The following TBC1D22A variants were observed in gnomAD, a reference collection of about 807,000 sequenced individuals.
The protein encoded by TBC1D22A is TBC1 domain family member 22A.
In TBC1D22A, 38 loss-of-function variants were observed where a neutral mutation model predicts 60.2. The ratio of observed to expected loss-of-function variants is 0.63; its 90% CI spans 0.49 to 0.83. TBC1D22A has a LOEUF of 0.83. Among genes scored for constraint, TBC1D22A ranks in the 40% least tolerant of loss-of-function variants. TBC1D22A has a pLI of 0.00. For missense variants in TBC1D22A, 628 were observed against 701.0 expected (o/e 0.90, Z 1.18); for synonymous variants, 302 against 281.7 (o/e 1.07, Z -0.72).
chr22:46,904,101 A>ATCTATCTATCTGTCTGTCTGTCTGTCTG (rs2069217376), intron 7 of TBC1D22A, among the ~76,000 whole-genome samples: 6 of 33,074 alleles, frequency 1.8e-4, no homozygotes, highest in African/African-American at 5.8e-4. Flanking sequence ...AATAAAATCT[A>ATCTATCTATCTGTCTGTCTGTCTGTCTG]TCTATCTATC....
intron 4 of TBC1D22A, among the ~76,000 whole-genome samples, chr22:46,830,068 G>A (rs1569101498): frequency 1.3e-5 from 2 of 152,230 alleles, no homozygotes; most frequent in African/African-American, 2.4e-5. Context: ...GGTGGGGAAA[G>A]GATCTGAAGT....
chr22:47,115,174 G>A (rs1003525460), intron 12 of TBC1D22A, among the ~76,000 whole-genome samples: 1 of 130,492 alleles, frequency 7.7e-6, no homozygotes, highest in Non-Finnish European at 1.6e-5. Context: ...TGGGCCCCAG[G>A]AGGTGTGTGC....
chr22:46,794,838 T>C (rs801597), intron 3 of TBC1D22A, among the ~76,000 whole-genome samples: 16 of 151,992 alleles, frequency 1.1e-4, no homozygotes, highest in Non-Finnish European at 1.2e-4. Context: ...AGGGGCGAAG[T>C]CCAGCTGGAT....
rs539386767 is a variant in TBC1D22A, at chr22:46,959,184, A to G, written c.1016-15106A>G. On this transcript the variant is annotated intron_variant, in intron 8 of 12. Coordinates refer to ENST00000337137, the MANE Select transcript of TBC1D22A (RefSeq NM_014346.5). ...CTGTGTTTTCCGTTCTACCCAACAA[A>G]AAACTAAAACCAAAGCAACCCCTAA... Among the ~76,000 whole-genome samples the G allele has an allele frequency of 9.2e-5, 14 of 152,318 alleles. No homozygotes were observed. The South Asian group carries it at 2.9e-3, about 32-fold the overall frequency.
intron 12 of TBC1D22A, among the ~76,000 whole-genome samples, chr22:47,130,576 C>G (rs539455764): frequency 6.6e-6 from 1 of 152,332 alleles, no homozygotes; most frequent in East Asian, 1.9e-4. Context: ...AGCATTGCTT[C>G]TGAGAGATTC....
At chr22:46,975,014 G>A (rs1400118099) in intron 9 of TBC1D22A, among the ~76,000 whole-genome samples, 1 of 152,238 alleles carries the variant, frequency 6.6e-6, no homozygotes, top group African/African-American at 2.4e-5. Context: ...GCATGGTGTA[G>A]GGGCAGATTC....
At chr22:47,007,783 G>T (rs1157782703) in intron 10 of TBC1D22A, among the ~76,000 whole-genome samples, 1 of 152,074 alleles carries the variant, frequency 6.6e-6, no homozygotes, top group African/African-American at 2.4e-5. Flanking sequence ...GTGGGATCAG[G>T]GTCCCACCCT....
At position 47,143,861 on chromosome 22, in the gene TBC1D22A, G is replaced by A. The variant is rs114141217; in HGVS notation, c.1426-29637G>A. 4.2e-3 allele frequency among the ~76,000 whole-genome samples: 637 copies of A among 152,318 alleles called. 5 individuals are homozygous for A. Among genetic ancestry groups the A allele is most frequent in the African/African-American group, 0.012 (497 of 41,560 alleles). ...TGAAGGTTGACAACTACAGCCCTCC[G>A]CTTCTCCTGCAGAGATAGAAACACC... On this transcript the variant is annotated intron_variant, in intron 12 of 12. Transcript: ENST00000337137.
At chr22:46,892,488 T>A (rs1447258263) in intron 6 of TBC1D22A, among the ~76,000 whole-genome samples, 2 of 149,598 alleles carry the variant, frequency 1.3e-5, no homozygotes, top group Non-Finnish European at 2.9e-5. Flanking sequence ...GAGCTGCCCC[T>A]GGCCCGTGTT....
intron 8 of TBC1D22A, among the ~76,000 whole-genome samples, chr22:46,967,776 G>A (rs962482268): frequency 1.3e-5 from 2 of 151,900 alleles, no homozygotes; most frequent in Admixed American, 1.3e-4. Flanking sequence ...GAACCCCCTG[G>A]TAATTACAAG....
intron 4 of TBC1D22A, among the ~76,000 whole-genome samples, chr22:46,806,843 T>C (rs2085163449): frequency 6.6e-6 from 1 of 152,188 alleles, no homozygotes; most frequent in Non-Finnish European, 1.5e-5. Context: ...AGAATAGTGC[T>C]GATCTTCGGC....
chr22:46,972,893 G>T lies in TBC1D22A; in HGVS notation c.1016-1397G>T, dbSNP rs1310298071. ...GTGATGTGCGAACTGGCTGGAATCC[G>T]CCCACCCTCCCACGTTCCCGCAGGT... On this transcript the variant is annotated intron_variant, in intron 8 of 12. Transcript: ENST00000337137. Among the ~76,000 whole-genome samples, 5 of 152,238 alleles carry T rather than the reference G, an allele frequency of 3.3e-5. No individual in the cohort carries two copies. The East Asian group carries it at 9.7e-4, about 29-fold the overall frequency.
chr22:46,774,294 A>G (rs2083608977), intron 1 of TBC1D22A: 3 of 982,436 alleles, frequency 3.1e-6, no homozygotes, highest in Non-Finnish European at 3.6e-6. Context: ...AGGCAGAGGT[A>G]TCAGGAGGCC....
At chr22:46,774,604 C>G (rs960766711) in intron 1 of TBC1D22A, among the ~76,000 whole-genome samples, 1 of 152,190 alleles carries the variant, frequency 6.6e-6, no homozygotes, top group South Asian at 2.1e-4. Flanking sequence ...TGCTGGGCGC[C>G]CTCTCCTCCC....
intron 8 of TBC1D22A, among the ~76,000 whole-genome samples, chr22:46,968,612 G>A (rs531189200): frequency 2.6e-5 from 4 of 150,992 alleles, no homozygotes; most frequent in Admixed American, 1.3e-4. Flanking sequence ...TCCTCACTGC[G>A]TGGCCGGCGG....
chr22:46,950,421 CG>C, intron 8 of TBC1D22A, among the ~76,000 whole-genome samples: 1 of 152,156 alleles, frequency 6.6e-6, no homozygotes, highest in East Asian at 1.9e-4. Flanking sequence ...CAAAACCCCA[CG>C]GGTCTTTACG....
Position 46,894,838 on chromosome 22 carries a change from G to T in TBC1D22A, c.892G>T (p.Val298Leu). 1.9e-6 allele frequency: 3 copies of T among 1,614,216 alleles called. No individual in the cohort carries two copies. Among genetic ancestry groups the T allele is most frequent in the South Asian group, 1.1e-5 (1 of 91,090 alleles). The stretch of plus-strand genomic sequence containing the variant: ...TGAAGCGTTGATCCTGCAGCCCAAG[G>T]TGACGGAGGTAAGAAGCTCTTGCCG... ...SPEALILQPK[V>L]TEIFERILFI... The change falls in exon 7 of 13, where the codon GTG becomes TTG. Residue 298 changes from valine (V) to leucine (L), a missense_variant. Coordinates refer to ENST00000337137, the MANE Select transcript of TBC1D22A (RefSeq NM_014346.5).
At chr22:46,830,176 G>A (rs2086250059) in intron 4 of TBC1D22A, among the ~76,000 whole-genome samples, 1 of 152,380 alleles carries the variant, frequency 6.6e-6, no homozygotes, top group East Asian at 1.9e-4. Flanking sequence ...CCCAAGGCGG[G>A]AATGCATGGG....
At chr22:47,014,877 A>T (rs1482929816) in intron 10 of TBC1D22A, among the ~76,000 whole-genome samples, 1 of 152,154 alleles carries the variant, frequency 6.6e-6, no homozygotes, top group South Asian at 2.1e-4. Flanking sequence ...GAGCCTCTTG[A>T]TGTCCTTGGG....
Sources: gnomAD v4.1 joint callset for allele counts (sites outside exome capture counted in the v4.1 genomes callset) on GRCh38, gnomAD v4.1.1 for gene constraint, MANE v1.5 for transcripts, NCBI Gene and HGNC (gene_info 2026-07-23, HGNC 2026-07-21) for gene names.